RNLS: variants seen among roughly 807,000 people sequenced by gnomAD.
RNLS encodes the protein renalase.
A neutral mutation model predicts 39.8 loss-of-function variants in RNLS; 39 were observed. That is an observed-to-expected ratio of 0.98 (90% CI 0.76 to 1.28). RNLS has a LOEUF of 1.28. Ranked by LOEUF, RNLS falls within the 50% of genes most tolerant of loss-of-function variation. RNLS has a pLI of 0.00. For missense variants in RNLS, 410 were observed against 413.3 expected (o/e 0.99, Z 0.07); for synonymous variants, 147 against 150.7 (o/e 0.98, Z 0.18).
rs146621677 is a variant in RNLS at position 88,477,835 on chromosome 10, T to C, written c.526+95068A>G. 4.2e-3 allele frequency among the ~76,000 whole-genome samples: 641 copies of C among 152,312 alleles called. 5 individuals carry two copies. The highest frequency in any genetic ancestry group is 0.015 in the African/African-American group (613 of 41,580). Reference sequence around the variant, plus strand: ...CACAGCTGTCCAGAGCAGGAGCTGATATGGCCCAAGTTCTGCCTGACTCTA... The same window carrying C: ...CACAGCTGTCCAGAGCAGGAGCTGACATGGCCCAAGTTCTGCCTGACTCTA... On this transcript the variant is annotated intron_variant, in intron 4 of 6. Coordinates refer to ENST00000331772, the MANE Select transcript of RNLS (RefSeq NM_001031709.3).
chr10:88,392,726 G>C (rs920805891), intron 4 of RNLS, among the ~76,000 whole-genome samples: 1 of 152,150 alleles, frequency 6.6e-6, no homozygotes, highest in African/African-American at 2.4e-5. Flanking sequence ...TTAAAATGTA[G>C]TTTCAACAAA....
intron 4 of RNLS, among the ~76,000 whole-genome samples, chr10:88,571,757 A>G (rs1377707775): frequency 6.6e-6 from 1 of 152,120 alleles, no homozygotes; most frequent in Non-Finnish European, 1.5e-5. Flanking sequence ...GACTCCTCAC[A>G]TGTGCCTTTT....
chr10:88,551,472 A>C (rs1228939852), intron 4 of RNLS, among the ~76,000 whole-genome samples: 1 of 152,198 alleles, frequency 6.6e-6, no homozygotes, highest in African/African-American at 2.4e-5. Flanking sequence ...TTATTTATGA[A>C]AATGCGTATT....
chr10:88,240,503 A>G, the RNLS span, among the ~76,000 whole-genome samples: 24 of 152,166 alleles, frequency 1.6e-4, no homozygotes, highest in Non-Finnish European at 1.8e-4. Flanking sequence ...TTTCAGACCA[A>G]TCTTCAAACT....
chr10:88,230,105 T>A, the RNLS span, among the ~76,000 whole-genome samples: 1 of 152,194 alleles, frequency 6.6e-6, no homozygotes, highest in Non-Finnish European at 1.5e-5. Context: ...ATTCCTCAGG[T>A]TGAAGATGAG....
chr10:88,200,800 G>A, the RNLS span, among the ~76,000 whole-genome samples: 1 of 152,062 alleles, frequency 6.6e-6, no homozygotes, highest in Non-Finnish European at 1.5e-5. Context: ...GACTGCAAGG[G>A]TCACTCTGAA....
the RNLS span, among the ~76,000 whole-genome samples, chr10:88,246,235 G>T: frequency 6.6e-6 from 1 of 152,122 alleles, no homozygotes; most frequent in Non-Finnish European, 1.5e-5. Context: ...CTGCTCTGGG[G>T]CTCAAAAATA....
chr10:88,195,584 G>A, the RNLS span, among the ~76,000 whole-genome samples: 1 of 152,176 alleles, frequency 6.6e-6, no homozygotes, highest in Non-Finnish European at 1.5e-5. Context: ...CAAGCTACAT[G>A]AAGAATTTCC....
chr10:88,499,083 T>C (rs1053684242), intron 4 of RNLS, among the ~76,000 whole-genome samples: 5 of 152,170 alleles, frequency 3.3e-5, no homozygotes, highest in African/African-American at 1.2e-4. Context: ...AGTGTGCTTA[T>C]GCAGGGGAAT....
the RNLS span, among the ~76,000 whole-genome samples, chr10:88,179,291 G>A: frequency 6.6e-6 from 1 of 152,154 alleles, no homozygotes; most frequent in African/African-American, 2.4e-5. Flanking sequence ...GGACCATATG[G>A]ATATTTCAGT....
At chr10:88,337,722 C>T (rs982687624) in intron 5 of RNLS, among the ~76,000 whole-genome samples, 1 of 152,170 alleles carries the variant, frequency 6.6e-6, no homozygotes, top group African/African-American at 2.4e-5. Flanking sequence ...TATAGCTTTA[C>T]TCCTGGATTT....
chr10:88,390,989 A>C (rs1248068367), intron 4 of RNLS, among the ~76,000 whole-genome samples: 1 of 152,226 alleles, frequency 6.6e-6, no homozygotes, highest in African/African-American at 2.4e-5. Context: ...ATGTAAACTA[A>C]CTGAAGACTA....
chr10:88,534,736 A>T (rs1847640286), intron 4 of RNLS, among the ~76,000 whole-genome samples: 1 of 152,178 alleles, frequency 6.6e-6, no homozygotes, highest in Non-Finnish European at 1.5e-5. Flanking sequence ...CTCAACTTGT[A>T]TTCTTAGAAA....
At chr10:88,455,142 T>C (rs915221499) in intron 4 of RNLS, among the ~76,000 whole-genome samples, 3 of 152,100 alleles carry the variant, frequency 2.0e-5, no homozygotes, top group African/African-American at 4.8e-5. Flanking sequence ...TACTAAGTAC[T>C]ATGGAGCCAC....
At chr10:88,369,147 CT>C (rs1015494506) in intron 4 of RNLS, among the ~76,000 whole-genome samples, 9 of 151,860 alleles carry the variant, frequency 5.9e-5, no homozygotes, top group Admixed American at 5.9e-4. Context: ...AAAATTTTTC[CT>C]GTTTACTTTT....
chr10:88,207,963 G>A, the RNLS span, among the ~76,000 whole-genome samples: 1 of 152,132 alleles, frequency 6.6e-6, no homozygotes, highest in South Asian at 2.1e-4. Context: ...CACATATGGA[G>A]GCTCACCCTA....
At chr10:88,542,104 A>C (rs2576157) in intron 4 of RNLS, among the ~76,000 whole-genome samples, 7,034 of 152,254 alleles carry the variant, frequency 0.046, 246 homozygotes, top group Non-Finnish European at 0.075. Context: ...GTTTTAAGAT[A>C]GATCCCTGTG....
At chr10:88,224,286 C>G in the RNLS span, among the ~76,000 whole-genome samples, 1 of 152,154 alleles carries the variant, frequency 6.6e-6, no homozygotes, top group Non-Finnish European at 1.5e-5. Flanking sequence ...GGCAGAAGGG[C>G]AAGACAGCTT....
downstream of RNLS, among the ~76,000 whole-genome samples, chr10:88,271,878 A>G (rs1589439727): frequency 6.6e-6 from 1 of 152,190 alleles, no homozygotes; most frequent in African/African-American, 2.4e-5. Flanking sequence ...TCGTTTCTGT[A>G]TGCGGCTCTA....
Sources: gnomAD v4.1 joint callset for allele counts (sites outside exome capture counted in the v4.1 genomes callset) on GRCh38, gnomAD v4.1.1 for gene constraint, MANE v1.5 for transcripts, NCBI Gene and HGNC (gene_info 2026-07-23, HGNC 2026-07-21) for gene names.